Variants in SPHKAP observed in about 807,000 individuals in gnomAD.
SPHKAP encodes the protein SPHK1 interactor, AKAP domain containing, also known as A-kinase anchor protein SPHKAP.
SPHKAP carries 67 observed loss-of-function variants against 137.5 expected under a neutral mutation model. That is an observed-to-expected ratio of 0.49 (90% confidence interval 0.40 to 0.60). SPHKAP has a LOEUF of 0.60. Ranked by LOEUF, SPHKAP falls within the 20% of genes least tolerant of loss-of-function variation. SPHKAP has a pLI of 0.00. For missense variants in SPHKAP, 2,097 were observed against 2,069.3 expected (o/e 1.01, Z -0.26); for synonymous variants, 813 against 785.3 (o/e 1.04, Z -0.59).
chr2:228,064,110 A>G (rs1696748657), intron 3 of SPHKAP, among the ~76,000 whole-genome samples: 1 of 152,244 alleles, frequency 6.6e-6, no homozygotes, highest in South Asian at 2.1e-4. Context: ...TAAAGTCAGA[A>G]TCATAAGTAG....
intron 3 of SPHKAP, among the ~76,000 whole-genome samples, chr2:228,035,314 C>T (rs1695543333): frequency 6.6e-6 from 1 of 151,564 alleles, no homozygotes; most frequent in African/African-American, 2.4e-5. Flanking sequence ...CCTAGGAATC[C>T]AACTTACAAG....
At chr2:228,117,327 G>A (rs1248721522) in intron 2 of SPHKAP, among the ~76,000 whole-genome samples, 1 of 152,128 alleles carries the variant, frequency 6.6e-6, no homozygotes, top group Non-Finnish European at 1.5e-5. Context: ...TGCTGGAGAT[G>A]TGGAGAGAAA....
chr2:228,092,230 C>A, intron 3 of SPHKAP, among the ~76,000 whole-genome samples: 1 of 146,556 alleles, frequency 6.8e-6, no homozygotes, highest in South Asian at 2.1e-4. Context: ...CATATATACA[C>A]ACATGTATAC....
At position 228,041,017 on chromosome 2, in the gene SPHKAP, C is replaced by T. The variant is rs371981070; in HGVS notation, c.247-13474G>A. On this transcript the variant is annotated intron_variant, in intron 3 of 11. Coordinates refer to ENST00000392056, the MANE Select transcript of SPHKAP (RefSeq NM_001142644.2). ...TAGAAAAATGTGTTTCTACATTTCA[C>T]CTGCTTGGAAAAATGTGCTCTGGGC... is the stretch of plus-strand genomic sequence containing the variant. Among the ~76,000 whole-genome samples, 104 of 152,244 alleles carry T rather than the reference C, an allele frequency of 6.8e-4. 1 individual carries two copies. The highest frequency in any genetic ancestry group is 3.4e-3 in the Middle Eastern group (1 of 292).
chr2:227,990,940 A>C (rs569023703), intron 11 of SPHKAP, 60 bp downstream of exon 11: 1 of 1,539,136 alleles, frequency 6.5e-7, no homozygotes, highest in East Asian at 2.3e-5. Flanking sequence ...GCATTTACTG[A>C]GTTTCCAGTG....
intron 1 of SPHKAP, among the ~76,000 whole-genome samples, chr2:228,178,670 C>A (rs1448472501): frequency 1.3e-5 from 2 of 149,668 alleles, no homozygotes; most frequent in Non-Finnish European, 1.5e-5. Flanking sequence ...TTTTTTTTTT[C>A]TTGATGGACT....
intron 1 of SPHKAP, among the ~76,000 whole-genome samples, chr2:228,163,916 T>C (rs1700348606): frequency 6.6e-6 from 1 of 152,084 alleles, no homozygotes; most frequent in African/African-American, 2.4e-5. Context: ...CTTGATTGGA[T>C]TGAAAGATGC....
chr2:228,028,894 G>A lies in SPHKAP; in HGVS notation c.247-1351C>T, dbSNP rs1056154228. On this transcript the variant is annotated intron_variant, in intron 3 of 11. Transcript: ENST00000392056. ...AAACTACTATGAGCATTCAGATGGGGTTGGAGAAAAGAAAGTTAAAGTTTT... is the reference window on the plus strand; with the variant it reads ...AAACTACTATGAGCATTCAGATGGGATTGGAGAAAAGAAAGTTAAAGTTTT... 2.6e-5 allele frequency among the ~76,000 whole-genome samples: 4 copies of A among 152,190 alleles called. No homozygotes were observed. The South Asian group carries it at 6.2e-4, about 24-fold the overall frequency.
chr2:228,103,138 A>G (rs1559174729), intron 3 of SPHKAP, among the ~76,000 whole-genome samples: 1 of 151,820 alleles, frequency 6.6e-6, no homozygotes, highest in East Asian at 1.9e-4. Context: ...GTGATGAGTG[A>G]CTCTCTTCTC....
chr2:228,154,533 T>TATATATATATATATATATA (rs57634967), intron 1 of SPHKAP, among the ~76,000 whole-genome samples: 2 of 15,532 alleles, frequency 1.3e-4, no homozygotes, highest in Non-Finnish European at 2.1e-4. Context: ...TATATATATA[T>TATATATATATATATATATA]TTTTTTTTTT....
rs551138451 is a variant in SPHKAP, at chr2:228,019,763, C to T, written c.1091G>A (p.Ser364Asn). The change falls in exon 7 of 12, where the codon AGC becomes AAC. Residue 364 changes from serine to asparagine, a missense_variant. By Grantham distance (46) the Ser-to-Asn change is conservative. Transcript: ENST00000392056. The stretch of plus-strand genomic sequence containing the variant: ...TTCATGGTCTCCTGGGTTTAGGTTG[C>T]TTCTCTGCTCTGCCACAGCACATGC... ...PSACAVAEQRSNLNPGDHEDT... is the reference protein window; with the variant it reads ...PSACAVAEQRNNLNPGDHEDT... The T allele has an allele frequency of 6.2e-7, 1 of 1,614,126 alleles. No individual in the cohort carries two copies. Among genetic ancestry groups the T allele is most frequent in the East Asian group, 2.2e-5 (1 of 44,882 alleles).
At chr2:228,022,082 T>C (rs1398883367) in intron 5 of SPHKAP, 116 bp from the exon 6 acceptor site, 1 of 1,356,020 alleles carries the variant, frequency 7.4e-7, no homozygotes, top group Non-Finnish European at 9.5e-7. Flanking sequence ...ACCTTTAAAA[T>C]ATTTGAAATG....
chr2:228,127,079 G>A (rs1474551580), intron 2 of SPHKAP, among the ~76,000 whole-genome samples: 1 of 152,158 alleles, frequency 6.6e-6, no homozygotes, highest in East Asian at 1.9e-4. Flanking sequence ...TTGGGGAATT[G>A]CCGACAGATT....
intron 1 of SPHKAP, among the ~76,000 whole-genome samples, chr2:228,173,684 G>T (rs1362225532): frequency 1.3e-5 from 2 of 152,120 alleles, no homozygotes; most frequent in East Asian, 1.9e-4. Flanking sequence ...AGCCCTGGCG[G>T]CACCTTGATT....
At chr2:228,152,819 A>G (rs1699976298) in intron 1 of SPHKAP, among the ~76,000 whole-genome samples, 1 of 152,020 alleles carries the variant, frequency 6.6e-6, no homozygotes, top group Admixed American at 6.6e-5. Flanking sequence ...TGGTAAGTAC[A>G]AGGATCTTAG....
intron 4 of SPHKAP, 110 bp from the exon 5 acceptor site, chr2:228,025,638 T>C (rs1170206085): frequency 8.1e-7 from 1 of 1,229,932 alleles, no homozygotes; most frequent in South Asian, 2.1e-5. Flanking sequence ...ACATATAGAC[T>C]GCTTAATCTA....
intron 7 of SPHKAP, among the ~76,000 whole-genome samples, chr2:228,015,086 A>G (rs889041416): frequency 2.3e-5 from 2 of 85,322 alleles, no homozygotes; most frequent in African/African-American, 9.3e-5. Context: ...CTCCCCCACA[A>G]CAGTCCCCAG....
intron 1 of SPHKAP, among the ~76,000 whole-genome samples, chr2:228,157,697 G>A (rs1420048314): frequency 4.6e-5 from 7 of 152,064 alleles, no homozygotes; most frequent in East Asian, 1.9e-4. Flanking sequence ...GTCATTTTGC[G>A]GGGAAGCTTA....
chr2:227,995,518 C>T lies in SPHKAP; in HGVS notation c.4625G>A (p.Arg1542Gln), dbSNP rs368367152. Residue 1542 changes from arginine to glutamine, a missense_variant, in exon 8 of 12, where the codon CGA becomes CAA. By Grantham distance (43) the Arg-to-Gln change is conservative (BLOSUM62 1). Transcript: ENST00000392056. ...DTSSFLQLSE[R>Q]SMSNGNSSAT... Reference sequence around the variant, plus strand: ...AGGGAAGAGCAGGTACCTCATGGATCGCTCACTGAGCTGGAGAAAGCTACT... The same window carrying T: ...AGGGAAGAGCAGGTACCTCATGGATTGCTCACTGAGCTGGAGAAAGCTACT... 27 of 1,613,918 alleles carry T rather than the reference C, an allele frequency of 1.7e-5. No homozygotes were observed. The highest frequency in any genetic ancestry group is 5.5e-5 in the South Asian group (5 of 91,078).
Sources: gnomAD v4.1 joint callset for allele counts (sites outside exome capture counted in the v4.1 genomes callset) on GRCh38, gnomAD v4.1.1 for gene constraint, MANE v1.5 for transcripts, NCBI Gene and HGNC (gene_info 2026-07-23, HGNC 2026-07-21) for gene names.